EPHA10: variants seen among roughly 807,000 people sequenced by gnomAD.
EPHA10 encodes ephrin type-A receptor 10.
Under a neutral mutation model 109.7 loss-of-function variants are expected in EPHA10, and 120 were observed. The ratio of observed to expected loss-of-function variants is 1.09; its 90% CI spans 0.94 to 1.27. The LOEUF (loss-of-function observed/expected upper bound fraction) is 1.27, where lower values mean the gene tolerates loss of function less well. Ranked by LOEUF, EPHA10 falls within the 50% of genes most tolerant of loss-of-function variation. The pLI, the probability that EPHA10 is intolerant of heterozygous loss-of-function variation, is 0.00. For missense variants in EPHA10, 1,396 were observed against 1,411.1 expected, an observed-to-expected ratio of 0.99 and a Z score of 0.17; for synonymous variants, 640 against 618.9, an observed-to-expected ratio of 1.03 and a Z score of -0.51.
chr1:37,719,538 G>T lies in EPHA10; in HGVS notation c.2632C>A (p.Leu878Ile), dbSNP rs770350297. 6.2e-7 allele frequency: 1 copy of T among 1,614,030 alleles called. No individual in the cohort carries two copies. The highest frequency in any genetic ancestry group is 1.1e-5 in the South Asian group (1 of 91,080). The part of the protein sequence containing the change: ...PRNCPNLLHR[L>I]MLDCWQKDPG... ...TCCTTCTGCCAGCAGTCGAGCATTAGTCGGTGCAGAAGGTTAGGACAGTTC... is the reference window on the plus strand; with the variant it reads ...TCCTTCTGCCAGCAGTCGAGCATTATTCGGTGCAGAAGGTTAGGACAGTTC... Residue 878 changes from leucine (L) to isoleucine (I), a missense_variant, in exon 15 of 17, where the codon CTA (leucine) becomes ATA (isoleucine). Transcript: ENST00000373048.
intron 3 of EPHA10, among the ~76,000 whole-genome samples, chr1:37,759,335 C>T (rs1320935721): frequency 6.6e-6 from 1 of 152,144 alleles, no homozygotes; most frequent in Non-Finnish European, 1.5e-5. Context: ...CATTTAGTTA[C>T]ATAGGCCCAG....
chr1:37,762,214 G>A lies in EPHA10; in HGVS notation c.172-131C>T, dbSNP rs1471451075. ...CGGAAATTGTAAGATGCAGCGCTGG[G>A]AGAAACTTTGGAAACAAATGATCCC... On this transcript the variant is annotated intron_variant, in intron 2 of 16. Transcript: ENST00000373048. The A allele has an allele frequency of 3.5e-6, 3 of 845,404 alleles. No homozygotes were observed. The Admixed American group carries it at 9.6e-5, about 27-fold the overall frequency. 52.4% of individuals were successfully genotyped at this position (845,404 alleles called of 1,614,324 possible). A position where few individuals can be genotyped will look rare whatever the true frequency, so the allele number is the denominator to read the frequency against.
chr1:37,718,878 T>A lies in EPHA10; in HGVS notation c.2757-62A>T, dbSNP rs1032761007. On this transcript the variant is annotated intron_variant, in intron 15 of 16. Coordinates refer to ENST00000373048, the MANE Select transcript of EPHA10 (RefSeq NM_001099439.2). The stretch of plus-strand genomic sequence containing the variant: ...GGATCTGGGCCCACACCTGGTGGTC[T>A]CCCGGGGAGAGGCCAGCTGAGGATG... 20 of 1,528,616 alleles carry A rather than the reference T, an allele frequency of 1.3e-5. No homozygotes were observed. The African/African-American group carries it at 2.7e-4, about 21-fold the overall frequency. The allele number at this position is 1,528,616 out of a possible 1,614,324, so 94.7% of individuals were successfully genotyped here.
At chr1:37,752,820 G>A (rs902591728) in intron 5 of EPHA10, 56 bp downstream of exon 5, 43 of 1,182,662 alleles carry the variant, frequency 3.6e-5, no homozygotes, top group African/African-American at 3.2e-5. Flanking sequence ...GGCCCCAAGA[G>A]GGCGCAGGGG....
Position 37,733,457 on chromosome 1 carries a change from C to T in EPHA10, c.1491+1800G>A, listed in dbSNP as rs537804463. 1.1e-4 allele frequency among the ~76,000 whole-genome samples: 17 copies of T among 152,262 alleles called. 1 individual carries two copies. Among genetic ancestry groups the T allele is most frequent in the Admixed American group, 3.3e-4 (5 of 15,304 alleles). ...TGGTCTTGAACTCCTGGCCTCAAGC[C>T]GTCCTCCCGTCTCAGCTTCCCAAAG... On this transcript the variant is annotated intron_variant, in intron 6 of 16. Coordinates refer to ENST00000373048, the MANE Select transcript of EPHA10 (RefSeq NM_001099439.2).
At position 37,716,696 on chromosome 1, in the gene EPHA10, T is replaced by C; in HGVS notation, c.*1676A>G. ...CTTCCCGCCTCTGGGCTCTTTCTCA[T>C]GCTAGCCTCTCTGCATGGACTCCTT... On this transcript the variant is annotated 3_prime_UTR_variant, in exon 17 of 17. Transcript: ENST00000373048. 1 of 232,880 alleles carries C rather than the reference T, an allele frequency of 4.3e-6. No homozygotes were observed. Among genetic ancestry groups the C allele is most frequent in the Non-Finnish European group, 8.5e-6 (1 of 117,826 alleles). The allele number at this position is 232,880 out of a possible 1,614,324, so 14.4% of individuals were successfully genotyped here. A position where few individuals can be genotyped will look rare whatever the true frequency, so the allele number is the denominator to read the frequency against.
chr1:37,744,955 A>G (rs1451074267), intron 5 of EPHA10, among the ~76,000 whole-genome samples: 1 of 152,196 alleles, frequency 6.6e-6, no homozygotes, highest in Non-Finnish European at 1.5e-5. Flanking sequence ...ACAGAGAAAA[A>G]CACCTAGAGA....
At position 37,761,732 on chromosome 1, in the gene EPHA10, T is replaced by G; in HGVS notation, c.523A>C (p.Thr175Pro). 6.2e-7 allele frequency: 1 copy of G among 1,613,728 alleles called. No homozygotes were observed. The highest frequency in any genetic ancestry group is 1.1e-5 in the South Asian group (1 of 91,072). ...AGCGGTCCGATCTCGCGCACCTCTG[T>G]GTTCAGCTTCATCTTGCGCTCACCC... Reference protein sequence around the residue: ...DLGERKMKLNTEVREIGPLSR... With the variant: ...DLGERKMKLNPEVREIGPLSR... The change falls in exon 3 of 17, where the codon ACA (threonine) becomes CCA (proline). Residue 175 changes from threonine (T) to proline (P), a missense_variant. Coordinates refer to ENST00000373048, the MANE Select transcript of EPHA10 (RefSeq NM_001099439.2).
chr1:37,746,952 G>C (rs1326301622), intron 5 of EPHA10, among the ~76,000 whole-genome samples: 2 of 152,206 alleles, frequency 1.3e-5, no homozygotes, highest in Non-Finnish European at 2.9e-5. Context: ...TTGTTACCAA[G>C]AGCTAGAGGA....
chr1:37,718,715 C>G lies in EPHA10; in HGVS notation c.2858G>C (p.Ser953Thr). 6.2e-7 allele frequency: 1 copy of G among 1,613,298 alleles called. No homozygotes were observed. The highest frequency in any genetic ancestry group is 8.5e-7 in the Non-Finnish European group (1 of 1,180,022). The change falls in exon 16 of 17, where the codon AGC (serine) becomes ACC (threonine). Residue 953 changes from serine to threonine, a missense_variant. Physicochemically the swap from Ser to Thr is moderately conservative, Grantham distance 58. Coordinates refer to ENST00000373048, the MANE Select transcript of EPHA10 (RefSeq NM_001099439.2). ...EALDLCRYKD[S>T]FAAAGYGSLE... The stretch of plus-strand genomic sequence containing the variant: ...GCTCCCATAGCCAGCAGCCGCGAAG[C>G]TGTCCTTGTAGCGGCACAGGTCCAG...
chr1:37,763,030 G>A (rs866817704), intron 1 of EPHA10, among the ~76,000 whole-genome samples, 181 bp from the exon 2 acceptor site: 1 of 152,216 alleles, frequency 6.6e-6, no homozygotes, highest in Non-Finnish European at 1.5e-5. Context: ...CAAATCCAGA[G>A]AGAGGTAGCC....
At chr1:37,761,103 A>C in intron 3 of EPHA10, 1 of 1,154,052 alleles carries the variant, frequency 8.7e-7, no homozygotes, top group Non-Finnish European at 1.1e-6. Flanking sequence ...AAAAAAAAAA[A>C]ACAATGACTT....
intron 3 of EPHA10, chr1:37,761,071 AAG>A (rs1192470255): frequency 8.1e-6 from 8 of 992,270 alleles, no homozygotes; most frequent in Non-Finnish European, 8.9e-6. Context: ...GCAACAGAGC[AAG>A]AGAGACTCCT....
At chr1:37,751,126 AC>A (rs1646315948) in intron 5 of EPHA10, among the ~76,000 whole-genome samples, 1 of 145,400 alleles carries the variant, frequency 6.9e-6, no homozygotes, top group South Asian at 2.2e-4. Context: ...AATGGCGTGA[AC>A]CCCAGACGCG....
downstream of EPHA10, chr1:37,713,909 T>C (rs958895652): frequency 1.3e-5 from 2 of 152,242 alleles, no homozygotes; most frequent in Non-Finnish European, 2.9e-5. Flanking sequence ...ATCTCATTTA[T>C]TGAAGACGTA....
chr1:37,745,951 C>T (rs1646233947), intron 5 of EPHA10, among the ~76,000 whole-genome samples: 1 of 152,028 alleles, frequency 6.6e-6, no homozygotes, highest in South Asian at 2.1e-4. Flanking sequence ...GCTAGAAGTC[C>T]CAGGTCAAGA....
chr1:37,751,621 C>G (rs1028046845), intron 5 of EPHA10, among the ~76,000 whole-genome samples: 1 of 151,480 alleles, frequency 6.6e-6, no homozygotes, highest in Non-Finnish European at 1.5e-5. Flanking sequence ...CGTCTGTAAT[C>G]CCAGCACTTT....
chr1:37,720,927 C>T (rs1209509265), intron 11 of EPHA10, 83 bp from the exon 12 acceptor site: 12 of 1,428,136 alleles, frequency 8.4e-6, no homozygotes, highest in African/African-American at 1.4e-5. Flanking sequence ...GGGTCCCAGA[C>T]TGGGCCTCGA....
chr1:37,741,728 C>T (rs78429762), intron 5 of EPHA10, among the ~76,000 whole-genome samples: 2,767 of 150,958 alleles, frequency 0.018, 78 homozygotes, highest in African/African-American at 0.063. Flanking sequence ...CAAAAAAATC[C>T]TTTATTCCTC....
Sources: allele counts gnomAD v4.1 joint callset (sites outside exome capture counted in the v4.1 genomes callset), GRCh38; gene constraint gnomAD v4.1.1; transcripts MANE v1.5; gene names NCBI Gene and HGNC (gene_info 2026-07-23, HGNC 2026-07-21).